FTCDNL1: variants seen among roughly 807,000 people sequenced by gnomAD.
FTCDNL1 encodes formiminotransferase cyclodeaminase N-terminal like.
A neutral mutation model predicts 5.9 loss-of-function variants in FTCDNL1; 11 were observed. The ratio of observed to expected loss-of-function variants is 1.87; its 90% CI spans 1.18 to 3.10. The LOEUF (loss-of-function observed/expected upper bound fraction) is 3.10. FTCDNL1 is among the 30% of genes most tolerant of loss of function. The pLI, the probability that FTCDNL1 is intolerant of heterozygous loss-of-function variation, is 0.00. For synonymous variants in FTCDNL1, 58 were observed against 24.8 expected (o/e 2.34, Z -3.99); for missense variants, 115 against 65.5 (o/e 1.76, Z -2.61).
intron 3 of FTCDNL1, among the ~76,000 whole-genome samples, chr2:199,761,515 TCCCAC>T (rs1468429319): frequency 6.6e-6 from 1 of 152,180 alleles, no homozygotes; most frequent in African/African-American, 2.4e-5. Context: ...AGTACATGCC[TCCCAC>T]CTGGCCCATC....
the FTCDNL1 span, among the ~76,000 whole-genome samples, chr2:199,691,918 A>C: frequency 6.6e-6 from 1 of 152,242 alleles, no homozygotes; most frequent in African/African-American, 2.4e-5. Context: ...GATTCATTTA[A>C]ATGGAATACT....
chr2:199,850,442 C>G (rs2076846332), intron 1 of FTCDNL1, among the ~76,000 whole-genome samples: 1 of 152,234 alleles, frequency 6.6e-6, no homozygotes, highest in African/African-American at 2.4e-5. Context: ...GTTTCATCCT[C>G]TCATTCCACA....
intron 3 of FTCDNL1, among the ~76,000 whole-genome samples, chr2:199,798,527 A>T (rs1456092446): frequency 6.6e-6 from 1 of 152,206 alleles, no homozygotes; most frequent in Non-Finnish European, 1.5e-5. Context: ...TTCATGGGAC[A>T]CATGAGGATG....
At chr2:199,781,742 T>C (rs1467698183) in intron 3 of FTCDNL1, among the ~76,000 whole-genome samples, 1 of 151,276 alleles carries the variant, frequency 6.6e-6, no homozygotes, top group Non-Finnish European at 1.5e-5. Context: ...TCACATACCA[T>C]GTTTGTGAGG....
the FTCDNL1 span, among the ~76,000 whole-genome samples, chr2:199,677,175 T>A: frequency 6.6e-6 from 1 of 152,166 alleles, no homozygotes; most frequent in African/African-American, 2.4e-5. Flanking sequence ...TGGAAGCTTT[T>A]CAAACGAAGC....
chr2:199,755,188 G>A, the FTCDNL1 span, among the ~76,000 whole-genome samples: 4 of 152,146 alleles, frequency 2.6e-5, no homozygotes, highest in African/African-American at 7.2e-5. Flanking sequence ...GACATTACTG[G>A]GTACTTGGTT....
At chr2:199,742,918 C>T in the FTCDNL1 span, among the ~76,000 whole-genome samples, 3 of 152,116 alleles carry the variant, frequency 2.0e-5, no homozygotes. Context: ...ACAAATGGGT[C>T]TCGCAAAAAC....
chr2:199,775,738 G>A (rs1204949303), intron 3 of FTCDNL1, among the ~76,000 whole-genome samples: 1 of 152,140 alleles, frequency 6.6e-6, no homozygotes, highest in African/African-American at 2.4e-5. Flanking sequence ...AAAAAAGAAA[G>A]AGAAAGCCAA....
At chr2:199,742,855 A>G in the FTCDNL1 span, among the ~76,000 whole-genome samples, 1 of 152,230 alleles carries the variant, frequency 6.6e-6, no homozygotes, top group South Asian at 2.1e-4. Context: ...AAGGAGGAGG[A>G]AGAATTATGC....
At chr2:199,682,312 T>C in the FTCDNL1 span, among the ~76,000 whole-genome samples, 3 of 152,146 alleles carry the variant, frequency 2.0e-5, no homozygotes, top group Non-Finnish European at 2.9e-5. Context: ...CTTCTCTGGG[T>C]CTCCGGCCTG....
the FTCDNL1 span, among the ~76,000 whole-genome samples, chr2:199,720,935 C>G: frequency 6.6e-6 from 1 of 152,124 alleles, no homozygotes; most frequent in Non-Finnish European, 1.5e-5. Context: ...TGAGGTCTTC[C>G]TTCTCTTTAA....
intron 3 of FTCDNL1, among the ~76,000 whole-genome samples, chr2:199,775,805 C>T (rs1413100796): frequency 6.6e-6 from 1 of 152,128 alleles, no homozygotes; most frequent in Non-Finnish European, 1.5e-5. Flanking sequence ...TAATCTCTTG[C>T]ATATGTTTCT....
chr2:199,810,986 T>A lies in FTCDNL1; in HGVS notation c.*1719A>T, dbSNP rs1165071432. On this transcript the variant is annotated 3_prime_UTR_variant, in exon 5 of 5. Coordinates refer to ENST00000420128, the MANE Select transcript of FTCDNL1 (RefSeq NM_001363886.2). ...GCCTGGCTACTCTCATACTAATAGATGTTTTACAGAAAATCAGCACACGGA... is the reference window on the plus strand; with the variant it reads ...GCCTGGCTACTCTCATACTAATAGAAGTTTTACAGAAAATCAGCACACGGA... 6.6e-6 allele frequency among the ~76,000 whole-genome samples: 1 copy of A among 152,184 alleles called. No individual in the cohort carries two copies. Among genetic ancestry groups the A allele is most frequent in the Non-Finnish European group, 1.5e-5 (1 of 68,030 alleles).
At chr2:199,668,934 C>CTG in the FTCDNL1 span, among the ~76,000 whole-genome samples, 2 of 152,260 alleles carry the variant, frequency 1.3e-5, no homozygotes, top group African/African-American at 4.8e-5. Flanking sequence ...AGCAAAGAAA[C>CTG]TGTTGTATCT....
the FTCDNL1 span, among the ~76,000 whole-genome samples, chr2:199,703,245 G>A: frequency 8.4e-4 from 125 of 149,038 alleles, no homozygotes; most frequent in Middle Eastern, 3.4e-3. Flanking sequence ...GTGATGTTCC[G>A]ACTCTGGGTT....
chr2:199,826,308 T>A (rs1702026838), intron 3 of FTCDNL1, among the ~76,000 whole-genome samples: 1 of 152,208 alleles, frequency 6.6e-6, no homozygotes, highest in South Asian at 2.1e-4. Flanking sequence ...CAACATATGC[T>A]TTTAAGTCCA....
At chr2:199,778,156 T>G (rs750849610) in intron 3 of FTCDNL1, among the ~76,000 whole-genome samples, 17 of 151,994 alleles carry the variant, frequency 1.1e-4, no homozygotes, top group Middle Eastern at 3.2e-3. Context: ...GAAGAATAAT[T>G]TAGGAGATCA....
intron 3 of FTCDNL1, among the ~76,000 whole-genome samples, chr2:199,769,604 T>G (rs777390467): frequency 3.3e-5 from 5 of 152,186 alleles, no homozygotes; most frequent in Non-Finnish European, 7.3e-5. Context: ...AGAAAGATAT[T>G]TGGGCATTTT....
At chr2:199,748,632 G>A in the FTCDNL1 span, among the ~76,000 whole-genome samples, 1 of 152,146 alleles carries the variant, frequency 6.6e-6, no homozygotes, top group African/African-American at 2.4e-5. Context: ...GAGACAGTCC[G>A]TTATCTATAC....
Sources: allele counts gnomAD v4.1 joint callset (sites outside exome capture counted in the v4.1 genomes callset), GRCh38; gene constraint gnomAD v4.1.1; transcripts MANE v1.5; gene names NCBI Gene and HGNC (gene_info 2026-07-23, HGNC 2026-07-21).